The following BOP1 variants were observed in gnomAD, a reference collection of about 807,000 sequenced individuals.
BOP1 encodes the protein BOP1 ribosomal biogenesis factor, also known as ribosome biogenesis protein BOP1.
Under a neutral mutation model 82.9 loss-of-function variants are expected in BOP1, and 54 were observed. That is an observed-to-expected ratio of 0.65 (90% CI 0.52 to 0.82). The LOEUF is 0.82. Ranked by LOEUF, BOP1 falls within the 40% of genes least tolerant of loss-of-function variation. BOP1 has a pLI of 0.00. For synonymous variants in BOP1, 566 were observed against 451.1 expected, an observed-to-expected ratio of 1.25 and a Z score of -3.23; for missense variants, 1,170 against 1,072.0, an observed-to-expected ratio of 1.09 and a Z score of -1.28.
Position 144,264,527 on chromosome 8 carries a change from C to T in BOP1, c.753G>A (p.Val251=). 1.2e-6 allele frequency: 2 copies of T among 1,610,226 alleles called. No individual in the cohort carries two copies. The highest frequency in any genetic ancestry group is 1.7e-5 in the Admixed American group (1 of 59,768). Residue 251 remains valine, a synonymous_variant, in exon 6 of 16, where the codon GTG becomes GTA. Coordinates refer to ENST00000569669, the MANE Select transcript of BOP1 (RefSeq NM_015201.5). Reference sequence around the variant, plus strand: ...CTGTGTGCCCCACCTTCTCCTTCTCCACCAGGGAGGGGATGAAGCTGCGCT... The same window carrying T: ...CTGTGTGCCCCACCTTCTCCTTCTCTACCAGGGAGGGGATGAAGCTGCGCT... The part of the protein sequence containing the change: ...ADKRSFIPSL[V]EKEKVSRMVH...
In BOP1 at chr8:144,291,147, C is replaced by T; in HGVS notation, c.99+125G>A. 3.9e-6 allele frequency: 3 copies of T among 777,096 alleles called. No homozygotes were observed. The highest frequency in any genetic ancestry group is 5.8e-5 in the South Asian group (2 of 34,322). 48.1% of individuals were successfully genotyped at this position (777,096 alleles called of 1,614,324 possible). On this transcript the variant is annotated intron_variant, in intron 1 of 15. Coordinates refer to ENST00000569669, the MANE Select transcript of BOP1 (RefSeq NM_015201.5). The surrounding 1 kb of genome is among the most constrained non-coding windows in gnomAD (Gnocchi z 4.1). ...CCCGATAGAGGAGCTGCACCCACGC[C>T]CAAGACCGATTCACTGGGCGCGGGC...
chr8:144,287,101 C>A (rs1814905599), intron 2 of BOP1, among the ~76,000 whole-genome samples: 1 of 150,446 alleles, frequency 6.6e-6, no homozygotes, highest in Non-Finnish European at 1.5e-5. Flanking sequence ...CCTCCGCCTC[C>A]CAGGTTCAAG....
intron 2 of BOP1, among the ~76,000 whole-genome samples, chr8:144,283,334 A>T (rs1814771020): frequency 6.6e-6 from 1 of 152,164 alleles, no homozygotes. Context: ...GACCAAAATG[A>T]CAAGAACCAG....
intron 3 of BOP1, among the ~76,000 whole-genome samples, chr8:144,267,829 G>C (rs1242138507): frequency 6.6e-6 from 1 of 152,214 alleles, no homozygotes; most frequent in Non-Finnish European, 1.5e-5. Context: ...GGTGAGCAGG[G>C]AGAAAATACG....
Position 144,264,618 on chromosome 8 carries a change from T to C in BOP1, c.664-2A>G, listed in dbSNP as rs1845314584. ...CCCGCTGAAGAAGTCGACAGCCGGC[T>C]GGGGGAGAAGATGTGGGCGTGTGGG... On this transcript the variant is annotated splice_acceptor_variant, in intron 5 of 15. Transcript: ENST00000569669. LOFTEE classifies it high-confidence loss of function. 1.3e-6 allele frequency: 2 copies of C among 1,593,418 alleles called. No homozygotes were observed. The highest frequency in any genetic ancestry group is 1.3e-5 in the African/African-American group (1 of 74,556).
At chr8:144,287,770 G>A (rs955027331) in intron 2 of BOP1, among the ~76,000 whole-genome samples, 16 of 152,080 alleles carry the variant, frequency 1.1e-4, no homozygotes, top group African/African-American at 3.9e-4. Flanking sequence ...GTATGTTAGT[G>A]GTATAATTAA....
chr8:144,273,245 C>T (rs980099650), intron 3 of BOP1, among the ~76,000 whole-genome samples: 3 of 152,212 alleles, frequency 2.0e-5, no homozygotes, highest in Non-Finnish European at 2.9e-5. Context: ...AAGCCATTAA[C>T]GGCGCTTGGC....
At chr8:144,267,031 G>A (rs1248659763) in intron 3 of BOP1, 10 of 1,515,412 alleles carry the variant, frequency 6.6e-6, no homozygotes, top group African/African-American at 1.4e-5. Context: ...CTGCGGCGAC[G>A]GACAGCCCTG....
intron 2 of BOP1, among the ~76,000 whole-genome samples, chr8:144,287,625 G>T (rs887207946): frequency 6.6e-6 from 1 of 151,840 alleles, no homozygotes; most frequent in Non-Finnish European, 1.5e-5. Context: ...TTGGCCTCTC[G>T]AGCTGCTGGG....
chr8:144,278,343 T>G (rs1554838554), intron 2 of BOP1, among the ~76,000 whole-genome samples: 1 of 152,148 alleles, frequency 6.6e-6, no homozygotes, highest in Non-Finnish European at 1.5e-5. Flanking sequence ...AATGTCACCA[T>G]GAGGACCAAA....
In BOP1 at chr8:144,264,925, A is replaced by G; in HGVS notation, c.537T>C (p.Pro179=). 1 of 1,609,692 alleles carries G rather than the reference A, an allele frequency of 6.2e-7. No homozygotes were observed. Among genetic ancestry groups the G allele is most frequent in the Non-Finnish European group, 8.5e-7 (1 of 1,179,266 alleles). The stretch of plus-strand genomic sequence containing the variant: ...ACCCCACCAGCCCTCACCAGTAGTC[A>G]GGATCGTCCATCTTGTCCAGGAACT... The part of the protein sequence containing the change: ...LDQFLDKMDD[P]DYWRTVQDPM... Residue 179 remains proline (P), a synonymous_variant, in exon 4 of 16, where the codon CCT becomes CCC. Coordinates refer to ENST00000569669, the MANE Select transcript of BOP1 (RefSeq NM_015201.5).
At chr8:144,266,959 A>C in intron 3 of BOP1, 1 of 1,558,496 alleles carries the variant, frequency 6.4e-7, no homozygotes, top group Non-Finnish European at 8.6e-7. Flanking sequence ...CAAGATTGAG[A>C]CGCTGCGCCT....
chr8:144,280,081 A>G (rs1845644730), intron 2 of BOP1, among the ~76,000 whole-genome samples: 1 of 152,190 alleles, frequency 6.6e-6, no homozygotes, highest in Non-Finnish European at 1.5e-5. Flanking sequence ...GACCCCTCGA[A>G]TCCAGAATGC....
intron 1 of BOP1, among the ~76,000 whole-genome samples, chr8:144,289,924 G>A (rs1588612363): frequency 2.6e-5 from 4 of 152,186 alleles, no homozygotes; most frequent in East Asian, 1.9e-4. Context: ...CCGCAACCAC[G>A]CACCAACCCA....
rs1231876154 is a variant in BOP1, at chr8:144,273,998, T to C, written c.390+2226A>G. On this transcript the variant is annotated intron_variant, in intron 3 of 15. Transcript: ENST00000569669. ...CAGCAGGGGGTCCCTGAAGCCCCAG[T>C]GTCATCCAGGTCCAGGCCCTGGATC... is the stretch of plus-strand genomic sequence containing the variant. 2.0e-4 allele frequency among the ~76,000 whole-genome samples: 30 copies of C among 151,654 alleles called. 2 individuals carry two copies. Among genetic ancestry groups the C allele is most frequent in the Admixed American group, 2.0e-3 (30 of 15,252 alleles).
At chr8:144,268,956 C>G (rs1052750180) in intron 3 of BOP1, among the ~76,000 whole-genome samples, 2 of 152,288 alleles carry the variant, frequency 1.3e-5, no homozygotes, top group South Asian at 2.1e-4. Flanking sequence ...GGGGGGGCTC[C>G]CAGCCCCAGC....
chr8:144,266,639 C>G, intron 3 of BOP1: 1 of 1,238,994 alleles, frequency 8.1e-7, no homozygotes, highest in Non-Finnish European at 1.0e-6. Flanking sequence ...CTGCGCCCGG[C>G]GCCGCCGGGC....
chr8:144,268,114 G>T (rs1051073063), intron 3 of BOP1: 4 of 1,551,412 alleles, frequency 2.6e-6, no homozygotes, highest in Middle Eastern at 1.8e-4. Flanking sequence ...AGCAAGGACC[G>T]CGACAGAAAG....
At chr8:144,276,131 C>A (rs1217324090) in intron 3 of BOP1, 93 bp downstream of exon 3, 13 of 1,480,360 alleles carry the variant, frequency 8.8e-6, no homozygotes, top group South Asian at 1.1e-5. Context: ...GTCCCAGCAC[C>A]CCCAGGGCAA....
Sources: gnomAD v4.1 joint callset for allele counts (sites outside exome capture counted in the v4.1 genomes callset) on GRCh38, gnomAD v4.1.1 for gene constraint, Gnocchi (gnomAD v3.1) non-coding constraint, MANE v1.5 for transcripts, NCBI Gene and HGNC (gene_info 2026-07-23, HGNC 2026-07-21) for gene names.